NRXN3: variants seen among roughly 807,000 people sequenced by gnomAD.
NRXN3 encodes neurexin III.
Under a neutral mutation model 137.6 loss-of-function variants are expected in NRXN3, and 32 were observed. The observed-to-expected ratio is 0.23, with a 90% CI of 0.18 to 0.31. The LOEUF (loss-of-function observed/expected upper bound fraction) is 0.31, where lower values mean the gene tolerates loss of function less well. NRXN3 is among the 10% of genes least tolerant of loss of function. The pLI, the probability that NRXN3 is intolerant of heterozygous loss-of-function variation, is 1.00. For synonymous variants in NRXN3, 798 were observed against 784.5 expected, an observed-to-expected ratio of 1.02 and a Z score of -0.29; for missense variants, 1,574 against 2,062.5, an observed-to-expected ratio of 0.76 and a Z score of 4.59.
chr14:78,871,996 A>G (rs544651072), intron 10 of NRXN3, among the ~76,000 whole-genome samples: 292 of 152,052 alleles, frequency 1.9e-3, no homozygotes, highest in Non-Finnish European at 3.5e-3. Flanking sequence ...AGGAAACAAT[A>G]AAACAGAAAA....
chr14:78,512,193 A>C (rs980408476), intron 4 of NRXN3, among the ~76,000 whole-genome samples: 2 of 152,124 alleles, frequency 1.3e-5, no homozygotes, highest in Non-Finnish European at 2.9e-5. Context: ...GTCACCAGAC[A>C]TGTAAGTCAT....
At chr14:78,541,373 A>T (rs2096588037) in intron 4 of NRXN3, among the ~76,000 whole-genome samples, 1 of 152,072 alleles carries the variant, frequency 6.6e-6, no homozygotes, top group African/African-American at 2.4e-5. Context: ...TTGATCTTCA[A>T]TCACTGATAC....
intron 4 of NRXN3, among the ~76,000 whole-genome samples, chr14:78,625,667 A>G (rs59925387): frequency 0.011 from 1,645 of 152,272 alleles, 27 homozygotes; most frequent in African/African-American, 0.036. Context: ...TATATCCTCC[A>G]TCAGAGGTGT....
At chr14:78,812,301 T>C (rs191654696) in intron 10 of NRXN3, among the ~76,000 whole-genome samples, 26 of 152,328 alleles carry the variant, frequency 1.7e-4, no homozygotes, top group African/African-American at 4.6e-4. Context: ...TCATTGTATC[T>C]TGCTTCTTCA....
chr14:78,536,673 A>T (rs375349141), intron 4 of NRXN3, among the ~76,000 whole-genome samples: 3 of 152,034 alleles, frequency 2.0e-5, no homozygotes, highest in African/African-American at 7.2e-5. Context: ...TTTGATACAT[A>T]GGTATACATG....
At chr14:79,696,955 A>G (rs1315444093) in intron 18 of NRXN3, among the ~76,000 whole-genome samples, 2 of 151,948 alleles carry the variant, frequency 1.3e-5, no homozygotes, top group Non-Finnish European at 2.9e-5. Flanking sequence ...CATCCTCCTA[A>G]AAACAAATTA....
chr14:79,601,129 C>T (rs1211089195), intron 16 of NRXN3, among the ~76,000 whole-genome samples: 3 of 148,616 alleles, frequency 2.0e-5, no homozygotes, highest in Non-Finnish European at 4.4e-5. Flanking sequence ...CTGCAACCTC[C>T]GACTCCGTGG....
At chr14:79,058,650 A>T (rs1459000058) in intron 15 of NRXN3, among the ~76,000 whole-genome samples, 1 of 152,086 alleles carries the variant, frequency 6.6e-6, no homozygotes, top group Non-Finnish European at 1.5e-5. Flanking sequence ...ATGGTATGTG[A>T]TATGGTTTAA....
chr14:78,220,389 C>T (rs549164718), intron 1 of NRXN3, among the ~76,000 whole-genome samples: 6 of 151,948 alleles, frequency 3.9e-5, no homozygotes, highest in South Asian at 4.2e-4. Flanking sequence ...GAAGGGGGCC[C>T]GAAAGCAGCA....
chr14:78,599,516 CA>C lies in NRXN3; in HGVS notation c.758-45600del, dbSNP rs199794770. On this transcript the variant is annotated intron_variant, in intron 4 of 20. Coordinates refer to ENST00000335750, the MANE Select transcript of NRXN3 (RefSeq NM_001330195.2). ...AGTCAGCGTTACATAGATAGTTCTA[CA>C]AAATCCAAACTTACATGCTTTGTCT... Among the ~76,000 whole-genome samples, 26 of 152,322 alleles carry C rather than the reference CA, an allele frequency of 1.7e-4. No individual in the cohort carries two copies. The East Asian group carries it at 2.5e-3, about 15-fold the overall frequency.
chr14:78,933,326 A>T (rs1307096868), intron 10 of NRXN3, among the ~76,000 whole-genome samples: 1 of 152,228 alleles, frequency 6.6e-6, no homozygotes, highest in Non-Finnish European at 1.5e-5. Flanking sequence ...AGTAGATGTA[A>T]ATATAGCCCA....
At chr14:79,691,988 C>G (rs1277378435) in intron 17 of NRXN3, among the ~76,000 whole-genome samples, 185 bp from the exon 18 acceptor site, 2 of 152,022 alleles carry the variant, frequency 1.3e-5, no homozygotes, top group Non-Finnish European at 2.9e-5. Flanking sequence ...TACTGCATGG[C>G]TAAGACTAAC....
chr14:78,406,347 C>A (rs147494679), intron 4 of NRXN3, among the ~76,000 whole-genome samples: 2 of 152,138 alleles, frequency 1.3e-5, no homozygotes, highest in Non-Finnish European at 2.9e-5. Context: ...CTGGACCCTA[C>A]CCCCCCGGAA....
chr14:79,373,484 G>T (rs2094171712), intron 15 of NRXN3, among the ~76,000 whole-genome samples: 1 of 152,168 alleles, frequency 6.6e-6, no homozygotes, highest in Non-Finnish European at 1.5e-5. Flanking sequence ...ATTCCGGAAA[G>T]CGATTTAGTT....
At chr14:79,402,434 A>G (rs1346406199) in intron 15 of NRXN3, among the ~76,000 whole-genome samples, 1 of 152,200 alleles carries the variant, frequency 6.6e-6, no homozygotes, top group African/African-American at 2.4e-5. Flanking sequence ...AAAATCACAT[A>G]ATTGGGGACA....
chr14:78,645,070 G>T, intron 4 of NRXN3, 50 bp from the exon 5 acceptor site: 1 of 1,475,226 alleles, frequency 6.8e-7, no homozygotes, highest in South Asian at 1.3e-5. Flanking sequence ...GCATAGGTCT[G>T]ACTCTTGCCA....
At chr14:79,538,694 G>A (rs1467040136) in intron 16 of NRXN3, among the ~76,000 whole-genome samples, 8 of 152,116 alleles carry the variant, frequency 5.3e-5, no homozygotes, top group Non-Finnish European at 1.2e-4. Context: ...TAGGTTGCCT[G>A]TTCACTGTGA....
At chr14:79,225,236 A>T (rs1294924592) in intron 15 of NRXN3, among the ~76,000 whole-genome samples, 5 of 152,124 alleles carry the variant, frequency 3.3e-5, no homozygotes, top group Non-Finnish European at 7.3e-5. Flanking sequence ...ATGGACTGAG[A>T]TAGGTTGGAC....
chr14:78,667,879 G>T (rs2097901470), intron 6 of NRXN3, among the ~76,000 whole-genome samples: 2 of 152,128 alleles, frequency 1.3e-5, no homozygotes, highest in South Asian at 2.1e-4. Context: ...TGCCTCCCAG[G>T]TTCAGGTGAT....
Sources: allele counts gnomAD v4.1 joint callset (sites outside exome capture counted in the v4.1 genomes callset), GRCh38; gene constraint gnomAD v4.1.1; transcripts MANE v1.5; gene names NCBI Gene and HGNC (gene_info 2026-07-23, HGNC 2026-07-21).